FIGNL2: variants seen among roughly 807,000 people sequenced by gnomAD.
FIGNL2 encodes fidgetin-like protein 2.
For synonymous variants in FIGNL2, 565 were observed against 484.0 expected, an observed-to-expected ratio of 1.17 and a Z score of -2.20; for missense variants, 1,060 against 950.2, an observed-to-expected ratio of 1.12 and a Z score of -1.52.
chr12:51,845,468 C>T (rs923463499), intron 1 of FIGNL2: 42 of 985,280 alleles, frequency 4.3e-5, no homozygotes, highest in Middle Eastern at 5.2e-4. Flanking sequence ...CCGCCCCCCC[C>T]CCACAGTCTC....
intron 1 of FIGNL2, chr12:51,845,391 G>C (rs1164790713): frequency 1.1e-6 from 1 of 874,880 alleles, no homozygotes. Context: ...CTCCCAAAAG[G>C]GGGCAGGACC....
chr12:51,834,659 C>T (rs1939550737), intron 1 of FIGNL2, among the ~76,000 whole-genome samples: 1 of 152,204 alleles, frequency 6.6e-6, no homozygotes, highest in African/African-American at 2.4e-5. Flanking sequence ...CAAGCGGCCC[C>T]CATCTGGGCT....
rs532703920 is a variant in FIGNL2 at position 51,845,425 on chromosome 12, G to A, written c.-12+3115C>T. 270 of 974,210 alleles carry A rather than the reference G, an allele frequency of 2.8e-4. 2 individuals carry two copies. Among genetic ancestry groups the A allele is most frequent in the Admixed American group, 1.2e-4 (2 of 16,188 alleles). 60.3% of individuals were successfully genotyped at this position (974,210 alleles called of 1,614,324 possible). A position where few individuals can be genotyped will look rare whatever the true frequency, so the allele number is the denominator to read the frequency against. On this transcript the variant is annotated intron_variant, in intron 1 of 1. Coordinates refer to ENST00000618634, the MANE Select transcript of FIGNL2 (RefSeq NM_001384995.1). ...CCAGCCCAAGGCTAAGGTAGCAGAT[G>A]CCAGCACCCCATACTTGACCTCTTG... is the stretch of plus-strand genomic sequence containing the variant.
intron 1 of FIGNL2, among the ~76,000 whole-genome samples, chr12:51,825,121 T>G (rs1196270895): frequency 6.6e-6 from 1 of 152,090 alleles, no homozygotes; most frequent in East Asian, 1.9e-4. Flanking sequence ...GTTTTTTTTT[T>G]TCTATTTACT....
chr12:51,822,305 CA>C lies in FIGNL2; in HGVS notation c.108del (p.Gly38ValfsTer23), dbSNP rs775930636. 1 of 1,612,342 alleles carries C rather than the reference CA, an allele frequency of 6.2e-7. No individual in the cohort carries two copies. The highest frequency in any genetic ancestry group is 8.5e-7 in the Non-Finnish European group (1 of 1,179,336). ...PSPAHKLELP[P>X]GGRQRCHYAW... The stretch of plus-strand genomic sequence containing the variant: ...GCGTAGTGGCAGCGTTGGCGACCCC[CA>C]GGGGGCAACTCCAACTTGTGGGCCG... On this transcript the variant is annotated frameshift_variant, in exon 2 of 2. Transcript: ENST00000618634. LOFTEE classifies it low-confidence loss of function (END_TRUNC).
At position 51,822,116 on chromosome 12, in the gene FIGNL2, G is replaced by C; in HGVS notation, c.298C>G (p.Pro100Ala). ...AAGGGGTAGGGTGGCTCCGGCCCTGGCCAGGGCTCGGGATCCCCTTTGGCG... is the reference window on the plus strand; with the variant it reads ...AAGGGGTAGGGTGGCTCCGGCCCTGCCCAGGGCTCGGGATCCCCTTTGGCG... ...NGAKGDPEPW[P>A]GPEPPYPLAS... Residue 100 changes from proline to alanine, a missense_variant, in exon 2 of 2, where the codon CCA becomes GCA. Transcript: ENST00000618634. 1.2e-6 allele frequency: 2 copies of C among 1,610,884 alleles called. No homozygotes were observed. Among genetic ancestry groups the C allele is most frequent in the South Asian group, 1.1e-5 (1 of 90,426 alleles).
In FIGNL2 at chr12:51,822,041, C is replaced by T; in HGVS notation, c.373G>A (p.Gly125Ser). Residue 125 changes from glycine to serine, a missense_variant, in exon 2 of 2, where the codon GGT becomes AGT. By Grantham distance (56) the Gly-to-Ser change is moderately conservative (BLOSUM62 0). Transcript: ENST00000618634. Reference protein sequence around the residue: ...LPGTKSGGGGGSGALGGSPVL... With the variant: ...LPGTKSGGGGSSGALGGSPVL... ...GGGGAGCCCCCCAGGGCCCCGGAAC[C>T]GCCGCCACCGCCCGATTTGGTTCCT... 2 of 1,607,414 alleles carry T rather than the reference C, an allele frequency of 1.2e-6. No homozygotes were observed. The highest frequency in any genetic ancestry group is 1.7e-5 in the Admixed American group (1 of 59,472).
rs1358053476 is a variant in FIGNL2, at chr12:51,832,123, TCTC to T, written c.-11-9702_-11-9700del. ...CCTCTGCCTCCTGGATTTAAGCAAT[TCTC>T]CTGCCTCAGCCTCCTAAGTAGCTGG... On this transcript the variant is annotated intron_variant, in intron 1 of 1. Transcript: ENST00000618634. 7.2e-5 allele frequency among the ~76,000 whole-genome samples: 11 copies of T among 152,256 alleles called. No homozygotes were observed. The South Asian group carries it at 2.3e-3, about 32-fold the overall frequency.
Position 51,819,974 on chromosome 12 carries a change from G to A in FIGNL2, c.*478C>T, listed in dbSNP as rs1939129413. Reference sequence around the variant, plus strand: ...CACAGAGGGTGAGGGATGGAGAGCTGGGGAGGGAGGGGCAGGAGAGAAACA... The same window carrying A: ...CACAGAGGGTGAGGGATGGAGAGCTAGGGAGGGAGGGGCAGGAGAGAAACA... On this transcript the variant is annotated 3_prime_UTR_variant, in exon 2 of 2. Transcript: ENST00000618634. 5.6e-6 allele frequency: 1 copy of A among 177,946 alleles called. No homozygotes were observed. Among genetic ancestry groups the A allele is most frequent in the Non-Finnish European group, 1.2e-5 (1 of 84,206 alleles). 11.0% of individuals were successfully genotyped at this position (177,946 alleles called of 1,614,324 possible).
At chr12:51,837,199 G>A (rs1003555485) in intron 1 of FIGNL2, among the ~76,000 whole-genome samples, 1 of 152,072 alleles carries the variant, frequency 6.6e-6, no homozygotes, top group East Asian at 1.9e-4. Flanking sequence ...AGCTCCAGCC[G>A]TGAATAAGCG....
chr12:51,821,709 C>T lies in FIGNL2; in HGVS notation c.705G>A (p.Leu235=). Residue 235 remains leucine, a synonymous_variant, in exon 2 of 2, where the codon CTG becomes CTA. Coordinates refer to ENST00000618634, the MANE Select transcript of FIGNL2 (RefSeq NM_001384995.1). ...PPPAPYLTPG[L]PAPTPLPAPA... is the part of the protein sequence containing the mutation. ...GCGCGGGCAGGGGCGTGGGCGCGGG[C>T]AGGCCCGGGGTCAGGTAGGGGGCCG... 7.5e-7 allele frequency: 1 copy of T among 1,340,832 alleles called. No homozygotes were observed. Among genetic ancestry groups the T allele is most frequent in the Non-Finnish European group, 9.5e-7 (1 of 1,052,946 alleles). The allele number at this position is 1,340,832 out of a possible 1,614,324, so 83.1% of individuals were successfully genotyped here. A position where few individuals can be genotyped will look rare whatever the true frequency, so the allele number is the denominator to read the frequency against.
Position 51,822,120 on chromosome 12 carries a change from G to T in FIGNL2, c.294C>A (p.Pro98=). The T allele has an allele frequency of 6.2e-7, 1 of 1,611,016 alleles. No homozygotes were observed. Among genetic ancestry groups the T allele is most frequent in the African/African-American group, 1.3e-5 (1 of 75,026 alleles). The part of the protein sequence containing the change: ...FLNGAKGDPE[P]WPGPEPPYPL... The stretch of plus-strand genomic sequence containing the variant: ...GGTAGGGTGGCTCCGGCCCTGGCCA[G>T]GGCTCGGGATCCCCTTTGGCGCCGT... The change falls in exon 2 of 2, where the codon CCC becomes CCA. Residue 98 remains proline (P), a synonymous_variant. Transcript: ENST00000618634.
In FIGNL2 at chr12:51,821,141, G is replaced by A; in HGVS notation, c.1273C>T (p.Pro425Ser). The A allele has an allele frequency of 1.4e-6, 2 of 1,461,056 alleles. No individual in the cohort carries two copies. Among genetic ancestry groups the A allele is most frequent in the Non-Finnish European group, 1.8e-6 (2 of 1,119,238 alleles). 90.5% of individuals were successfully genotyped at this position (1,461,056 alleles called of 1,614,324 possible). A position where few individuals can be genotyped will look rare whatever the true frequency, so the allele number is the denominator to read the frequency against. The change falls in exon 2 of 2, where the codon CCG (proline) becomes TCG (serine). Residue 425 changes from proline to serine, a missense_variant. Coordinates refer to ENST00000618634, the MANE Select transcript of FIGNL2 (RefSeq NM_001384995.1). Reference sequence around the variant, plus strand: ...GGCCCAAAGAGCAGGACGGTCCGCGGCGGGCGCAGGCTGCCCGGGTAGGCG... The same window carrying A: ...GGCCCAAAGAGCAGGACGGTCCGCGACGGGCGCAGGCTGCCCGGGTAGGCG... Reference protein sequence around the residue: ...PPAYPGSLRPPRTVLLFGPRG... With the variant: ...PPAYPGSLRPSRTVLLFGPRG...
At chr12:51,837,952 A>ATG (rs1939604859) in intron 1 of FIGNL2, 1 of 152,144 alleles carries the variant, frequency 6.6e-6, no homozygotes, top group African/African-American at 2.4e-5. Context: ...TTTAAACCAA[A>ATG]TGGAACTTCT....
intron 1 of FIGNL2, among the ~76,000 whole-genome samples, chr12:51,840,428 G>A (rs1939641648): frequency 6.6e-6 from 1 of 152,146 alleles, no homozygotes; most frequent in Non-Finnish European, 1.5e-5. Flanking sequence ...AAAATACATG[G>A]GGCTACAAAG....
At chr12:51,831,456 A>G (rs553651857) in intron 1 of FIGNL2, among the ~76,000 whole-genome samples, 8 of 152,316 alleles carry the variant, frequency 5.3e-5, no homozygotes, top group Admixed American at 4.6e-4. Flanking sequence ...AGTGCCAGAC[A>G]GATGTGGCTG....
chr12:51,821,646 C>T lies in FIGNL2; in HGVS notation c.768G>A (p.Ala256=), dbSNP rs545928522. 1,828 of 1,473,650 alleles carry T rather than the reference C, an allele frequency of 1.2e-3. 14 individuals carry two copies. The African/African-American group carries it at 0.023, about 19-fold the overall frequency. 91.3% of individuals were successfully genotyped at this position (1,473,650 alleles called of 1,614,324 possible). ...PPTAYGFPTA[A]PGAESGLSLK... is the part of the protein sequence containing the mutation. ...GCGACAGCCCGGATTCGGCACCCGG[C>T]GCGGCCGTGGGGAAGCCATAGGCGG... is the stretch of plus-strand genomic sequence containing the variant. Residue 256 remains alanine (A), a synonymous_variant, in exon 2 of 2, where the codon GCG becomes GCA. Transcript: ENST00000618634.
At position 51,821,618 on chromosome 12, in the gene FIGNL2, TC is replaced by T; in HGVS notation, c.795del (p.Lys266SerfsTer113). 1 of 1,497,224 alleles carries T rather than the reference TC, an allele frequency of 6.7e-7. No individual in the cohort carries two copies. The highest frequency in any genetic ancestry group is 1.2e-5 in the South Asian group (1 of 80,832). The allele number at this position is 1,497,224 out of a possible 1,614,324, so 92.7% of individuals were successfully genotyped here. On this transcript the variant is annotated frameshift_variant, in exon 2 of 2. Transcript: ENST00000618634. LOFTEE classifies it low-confidence loss of function (END_TRUNC). ...AAPGAESGLS[L>X]KRKAADEGPE... ...GGCCCCTCGTCGGCGGCCTTGCGCT[TC>T]AGCGACAGCCCGGATTCGGCACCCG...
At chr12:51,823,943 G>T (rs1939279276) in intron 1 of FIGNL2, among the ~76,000 whole-genome samples, 1 of 152,172 alleles carries the variant, frequency 6.6e-6, no homozygotes, top group Middle Eastern at 3.2e-3. Flanking sequence ...TCCCAAGGAG[G>T]TGGTGCCTTT....
Sources: gnomAD v4.1 joint callset for allele counts (sites outside exome capture counted in the v4.1 genomes callset) on GRCh38, gnomAD v4.1.1 for gene constraint, MANE v1.5 for transcripts, NCBI Gene and HGNC (gene_info 2026-07-23, HGNC 2026-07-21) for gene names.